Variants in C1orf141 observed in about 807,000 individuals in gnomAD.
The protein encoded by C1orf141 is uncharacterized protein C1orf141.
Under a neutral mutation model 23.2 loss-of-function variants are expected in C1orf141, and 19 were observed. The ratio of observed to expected loss-of-function variants is 0.82; its 90% CI spans 0.57 to 1.20. The LOEUF (loss-of-function observed/expected upper bound fraction) is 1.20. Ranked by LOEUF, C1orf141 falls within the 50% of genes most tolerant of loss-of-function variation. The pLI is 0.00. For missense variants in C1orf141, 469 were observed against 455.1 expected (o/e 1.03, Z -0.28); for synonymous variants, 153 against 154.6 (o/e 0.99, Z 0.08).
intron 5 of C1orf141, among the ~76,000 whole-genome samples, chr1:67,109,345 A>C (rs1646014505): frequency 6.6e-6 from 1 of 151,162 alleles, no homozygotes; most frequent in African/African-American, 2.4e-5. Flanking sequence ...AAAAAAAAAA[A>C]AAAAAAAAAA....
chr1:67,112,387 A>G (rs1558194809), intron 5 of C1orf141, among the ~76,000 whole-genome samples: 2 of 152,086 alleles, frequency 1.3e-5, no homozygotes, highest in Non-Finnish European at 2.9e-5. Flanking sequence ...AGTGGGTAAT[A>G]TGGAAAATAA....
At chr1:67,139,018 G>A (rs1443399446), upstream of C1orf141, 2 of 152,258 alleles carry the variant, frequency 1.3e-5, no homozygotes, top group Non-Finnish European at 2.9e-5. Context: ...CTTATGCTAT[G>A]GGAGCCACTA....
intron 1 of C1orf141, among the ~76,000 whole-genome samples, chr1:67,133,267 T>C (rs1166616593): frequency 6.6e-6 from 1 of 152,118 alleles, no homozygotes; most frequent in Non-Finnish European, 1.5e-5. Context: ...CCTGAGAAAT[T>C]ATCTAGAAAA....
intron 1 of C1orf141, among the ~76,000 whole-genome samples, chr1:67,141,154 G>C (rs1048426402): frequency 1.3e-5 from 2 of 152,268 alleles, no homozygotes; most frequent in African/African-American, 4.8e-5. Context: ...TACACAGAAT[G>C]ATTCTTTTAA....
chr1:67,107,839 G>A (rs1225827957), intron 5 of C1orf141, among the ~76,000 whole-genome samples: 1 of 152,144 alleles, frequency 6.6e-6, no homozygotes, highest in Non-Finnish European at 1.5e-5. Context: ...GCAGTGAGCC[G>A]AGATCACTAA....
upstream of C1orf141, among the ~76,000 whole-genome samples, chr1:67,137,685 A>T (rs1361489413): frequency 6.6e-6 from 1 of 152,216 alleles, no homozygotes; most frequent in Non-Finnish European, 1.5e-5. Flanking sequence ...TCTCCAGGCA[A>T]ATAAAGCTCT....
intron 3 of C1orf141, 53 bp from the exon 4 acceptor site, chr1:67,125,962 T>C (rs1646404039): frequency 1.4e-6 from 2 of 1,449,134 alleles, no homozygotes; most frequent in Non-Finnish European, 1.8e-6. Flanking sequence ...ACTTTTTATA[T>C]GGGGAAAATC....
intron 2 of C1orf141, among the ~76,000 whole-genome samples, chr1:67,129,367 A>T (rs1298384640): frequency 2.0e-5 from 3 of 151,936 alleles, no homozygotes; most frequent in Non-Finnish European, 4.4e-5. Context: ...GAGGTGGGAG[A>T]ATCAAAAGGA....
intron 5 of C1orf141, among the ~76,000 whole-genome samples, chr1:67,107,807 T>A (rs10749770): frequency 0.69 from 104,282 of 151,854 alleles, 36,153 homozygotes; most frequent in East Asian, 0.79. Context: ...GGAGAATCGC[T>A]TGAACCCAGG....
upstream of C1orf141, among the ~76,000 whole-genome samples, chr1:67,136,088 A>C (rs1046962958): frequency 1.3e-5 from 2 of 152,190 alleles, no homozygotes; most frequent in Non-Finnish European, 1.5e-5. Flanking sequence ...ACTGGAGCAC[A>C]GTGGTGTGAT....
upstream of C1orf141, among the ~76,000 whole-genome samples, chr1:67,136,229 A>G (rs1646584331): frequency 6.6e-6 from 1 of 152,072 alleles, no homozygotes; most frequent in South Asian, 2.1e-4. Flanking sequence ...TTGTAAGGAC[A>G]GGGGTCTCAC....
At chr1:67,129,633 A>G (rs1646482309) in intron 2 of C1orf141, among the ~76,000 whole-genome samples, 1 of 152,206 alleles carries the variant, frequency 6.6e-6, no homozygotes, top group African/African-American at 2.4e-5. Flanking sequence ...ACTAAAACAC[A>G]GTGAGAAGCC....
intron 7 of C1orf141, chr1:67,094,283 A>T (rs1645621636): frequency 6.6e-6 from 1 of 152,250 alleles, no homozygotes; most frequent in South Asian, 2.1e-4. Flanking sequence ...GGTGATGCCA[A>T]TATTACCTAT....
At chr1:67,100,546 T>C (rs965194165) in intron 5 of C1orf141, among the ~76,000 whole-genome samples, 4 of 152,180 alleles carry the variant, frequency 2.6e-5, no homozygotes, top group African/African-American at 9.7e-5. Context: ...AGAGCAATTA[T>C]TGTTTAAGTT....
At chr1:67,121,343 A>G (rs1370640179) in intron 4 of C1orf141, among the ~76,000 whole-genome samples, 1 of 152,218 alleles carries the variant, frequency 6.6e-6, no homozygotes, top group Non-Finnish European at 1.5e-5. Flanking sequence ...TTTAAGTTTA[A>G]TCTTCATCAT....
At chr1:67,135,800 G>A (rs923863511), upstream of C1orf141, among the ~76,000 whole-genome samples, 2 of 147,986 alleles carry the variant, frequency 1.4e-5, no homozygotes, top group African/African-American at 5.0e-5. Context: ...ATCAAAATAG[G>A]GGGAAAAGCT....
chr1:67,115,310 A>G (rs1646171319), intron 5 of C1orf141, 42 bp downstream of exon 5: 2 of 739,082 alleles, frequency 2.7e-6, no homozygotes, highest in Non-Finnish European at 4.7e-6. Flanking sequence ...TAAAGCACCC[A>G]TTAATAAATC....
intron 2 of C1orf141, among the ~76,000 whole-genome samples, chr1:67,130,343 A>G (rs896295198): frequency 7.2e-5 from 11 of 152,220 alleles, no homozygotes; most frequent in Admixed American, 6.5e-5. Context: ...GAAGTGAATG[A>G]GTTTCCCAGT....
chr1:67,123,741 G>A (rs1646347477), intron 4 of C1orf141: 2 of 152,164 alleles, frequency 1.3e-5, no homozygotes, highest in South Asian at 4.1e-4. Flanking sequence ...CTAAGAGTCT[G>A]AGATTTGACC....
Sources: gnomAD v4.1 joint callset for allele counts (sites outside exome capture counted in the v4.1 genomes callset) on GRCh38, gnomAD v4.1.1 for gene constraint, MANE v1.5 for transcripts, NCBI Gene and HGNC (gene_info 2026-07-23, HGNC 2026-07-21) for gene names.